Variants in TBC1D14 observed in about 807,000 individuals in gnomAD.
The protein encoded by TBC1D14 is TBC1 domain family, member 14.
Under a neutral mutation model 79.0 loss-of-function variants are expected in TBC1D14, and 26 were observed. The observed-to-expected ratio is 0.33, with a 90% CI of 0.24 to 0.46. TBC1D14 has a LOEUF of 0.46. Among genes scored for constraint, TBC1D14 ranks in the 20% least tolerant of loss-of-function variants. TBC1D14 has a pLI of 1.00. For synonymous variants in TBC1D14, 394 were observed against 349.9 expected, an observed-to-expected ratio of 1.13 and a Z score of -1.40; for missense variants, 769 against 887.6, an observed-to-expected ratio of 0.87 and a Z score of 1.70.
At chr4:6,943,862 T>TG (rs201213301) in intron 2 of TBC1D14, among the ~76,000 whole-genome samples, 17,583 of 152,302 alleles carry the variant, frequency 0.12, 1,533 homozygotes, top group African/African-American at 0.24. Flanking sequence ...CTGGCACACT[T>TG]AACTTTTAAA....
intron 13 of TBC1D14, among the ~76,000 whole-genome samples, chr4:7,026,036 A>T (rs969222216): frequency 6.6e-6 from 1 of 151,594 alleles, no homozygotes; most frequent in African/African-American, 2.4e-5. Flanking sequence ...TGCCTGGGGG[A>T]TTTCTTTGTT....
intron 12 of TBC1D14, among the ~76,000 whole-genome samples, chr4:7,019,056 A>G (rs574411237): frequency 1.5e-4 from 23 of 152,078 alleles, no homozygotes; most frequent in Non-Finnish European, 3.2e-4. Flanking sequence ...GGAGTCTCGC[A>G]CTTTCACCCA....
At chr4:7,008,883 T>G (rs1407895311) in intron 9 of TBC1D14, among the ~76,000 whole-genome samples, 2 of 152,250 alleles carry the variant, frequency 1.3e-5, no homozygotes, top group South Asian at 2.1e-4. Context: ...GATAAAACTT[T>G]GTTACAGTCA....
chr4:6,937,405 C>G (rs1409519280), intron 2 of TBC1D14, among the ~76,000 whole-genome samples: 1 of 152,158 alleles, frequency 6.6e-6, no homozygotes, highest in Non-Finnish European at 1.5e-5. Context: ...CCCTCATGAC[C>G]TAGTCACCTC....
In TBC1D14 at chr4:6,966,872, C is replaced by T. The variant is rs553531791; in HGVS notation, c.723-432C>T. Among the ~76,000 whole-genome samples, 394 of 152,318 alleles carry T rather than the reference C, an allele frequency of 2.6e-3. 3 individuals are homozygous for T. The highest frequency in any genetic ancestry group is 8.0e-3 in the African/African-American group (333 of 41,572). ...TCACCCAGGCTGGAGTGCAGTGGCA[C>T]GATCTCAGCTCACTGCAAGCTCCGC... On this transcript the variant is annotated intron_variant, in intron 2 of 13. Transcript: ENST00000409757.
At chr4:7,021,807 G>A (rs537214562) in intron 12 of TBC1D14, among the ~76,000 whole-genome samples, 2 of 152,268 alleles carry the variant, frequency 1.3e-5, no homozygotes, top group South Asian at 2.1e-4. Flanking sequence ...TCTGTCTTCC[G>A]ACCATGGGAG....
intron 2 of TBC1D14, among the ~76,000 whole-genome samples, chr4:6,944,365 G>A (rs4645214): frequency 0.75 from 113,737 of 152,126 alleles, 43,469 homozygotes; most frequent in East Asian, 0.97. Flanking sequence ...TAAGGAAATG[G>A]CTTTTTGCGT....
At chr4:6,953,366 A>C (rs1290047501) in intron 2 of TBC1D14, among the ~76,000 whole-genome samples, 2 of 133,260 alleles carry the variant, frequency 1.5e-5, no homozygotes, top group African/African-American at 5.3e-5. Flanking sequence ...TCACGCCTGT[A>C]ATCCCAGCAC....
intron 1 of TBC1D14, among the ~76,000 whole-genome samples, chr4:6,921,982 A>G (rs1723902839): frequency 6.6e-6 from 1 of 152,228 alleles, no homozygotes; most frequent in African/African-American, 2.4e-5. Flanking sequence ...GGTGTGAGCC[A>G]CTGCGCCCGG....
At chr4:6,948,466 C>CT (rs1188226172) in intron 2 of TBC1D14, among the ~76,000 whole-genome samples, 2 of 152,178 alleles carry the variant, frequency 1.3e-5, no homozygotes, top group Non-Finnish European at 2.9e-5. Context: ...GTATCCCACT[C>CT]TTTGTTCTCC....
chr4:6,960,054 G>A (rs1715038508), intron 2 of TBC1D14, among the ~76,000 whole-genome samples: 1 of 148,894 alleles, frequency 6.7e-6, no homozygotes, highest in Non-Finnish European at 1.5e-5. Context: ...GTATATGGGT[G>A]AAAAGTTGGC....
chr4:6,963,448 C>G (rs978947079), intron 2 of TBC1D14, among the ~76,000 whole-genome samples: 1 of 152,244 alleles, frequency 6.6e-6, no homozygotes, highest in Non-Finnish European at 1.5e-5. Flanking sequence ...AGCAGATGGG[C>G]TCTGCAGTGC....
At chr4:7,015,312 G>T (rs1447134234) in intron 12 of TBC1D14, among the ~76,000 whole-genome samples, 1 of 152,126 alleles carries the variant, frequency 6.6e-6, no homozygotes, top group African/African-American at 2.4e-5. Context: ...TGGAGAGAAG[G>T]CCCCGTGGAA....
intron 2 of TBC1D14, among the ~76,000 whole-genome samples, chr4:6,930,837 G>A (rs757590171): frequency 2.6e-5 from 4 of 151,506 alleles, no homozygotes; most frequent in Non-Finnish European, 4.4e-5. Flanking sequence ...CAGTGATTTC[G>A]GAAACTGGCC....
intron 1 of TBC1D14, among the ~76,000 whole-genome samples, chr4:6,916,404 T>G (rs1723405863): frequency 6.6e-6 from 1 of 152,220 alleles, no homozygotes; most frequent in South Asian, 2.1e-4. Flanking sequence ...TAAGCGGATT[T>G]TTTTCCCCTG....
chr4:6,973,286 TG>T (rs1167654077), intron 3 of TBC1D14, among the ~76,000 whole-genome samples: 6 of 151,946 alleles, frequency 3.9e-5, no homozygotes, highest in Non-Finnish European at 8.8e-5. Context: ...CTGAGAAGTC[TG>T]GGGTACTCCA....
intron 2 of TBC1D14, among the ~76,000 whole-genome samples, chr4:6,944,731 C>G (rs765256282): frequency 1.3e-5 from 2 of 152,188 alleles, no homozygotes; most frequent in Non-Finnish European, 2.9e-5. Context: ...CGGGGATGTC[C>G]AGGTTTCTCC....
At chr4:7,025,807 G>T (rs1480988431) in intron 13 of TBC1D14, among the ~76,000 whole-genome samples, 2 of 152,220 alleles carry the variant, frequency 1.3e-5, no homozygotes, top group South Asian at 2.1e-4. Context: ...CCAAACAGTG[G>T]CGCGGATAGT....
intron 1 of TBC1D14, among the ~76,000 whole-genome samples, chr4:6,910,932 C>T (rs1387153305): frequency 6.6e-6 from 1 of 152,100 alleles, no homozygotes; most frequent in African/African-American, 2.4e-5. Context: ...GGAGGGTAGT[C>T]GTGGTGGTGT....
Sources: gnomAD v4.1 joint callset for allele counts (sites outside exome capture counted in the v4.1 genomes callset) on GRCh38, gnomAD v4.1.1 for gene constraint, MANE v1.5 for transcripts, NCBI Gene and HGNC (gene_info 2026-07-23, HGNC 2026-07-21) for gene names.